The following ERI2 variants were observed in gnomAD, a reference collection of about 807,000 sequenced individuals.
ERI2 encodes ERI1 exoribonuclease family member 2, also known as ERI1 exoribonuclease 2.
A neutral mutation model predicts 46.8 loss-of-function variants in ERI2; 35 were observed. The observed-to-expected ratio is 0.75, with a 90% confidence interval of 0.57 to 0.99. ERI2 has a LOEUF of 0.99. ERI2 is among the 50% of genes least tolerant of loss of function. ERI2 has a pLI of 0.00. For missense variants in ERI2, 695 were observed against 796.2 expected (o/e 0.87, Z 1.53); for synonymous variants, 224 against 271.0 (o/e 0.83, Z 1.70).
At chr16:20,786,297 T>C (rs955950148) in intron 10 of ERI2, 2 of 1,401,210 alleles carry the variant, frequency 1.4e-6, no homozygotes, top group South Asian at 1.6e-5. Context: ...TTTATAAATA[T>C]GTGAAAATGA....
downstream of ERI2, among the ~76,000 whole-genome samples, chr16:20,793,470 AAAAAAT>A (rs56924318): frequency 2.0e-5 from 3 of 151,544 alleles, no homozygotes; most frequent in South Asian, 4.2e-4. Flanking sequence ...CTCCGCCTCA[AAAAAAT>A]AAAAATAAAA....
chr16:20,796,671 T>C lies in ERI2; in HGVS notation c.*1053A>G. 6.8e-7 allele frequency: 1 copy of C among 1,475,886 alleles called. No homozygotes were observed. The highest frequency in any genetic ancestry group is 2.5e-4 in the Middle Eastern group (1 of 4,020). 91.4% of individuals were successfully genotyped at this position (1,475,886 alleles called of 1,614,324 possible). ...AAAATGAAACCCTGAACCTATTTTG[T>C]TTGGTCCTTTGGCTTACTGGACTCA... is the stretch of plus-strand genomic sequence containing the variant. On this transcript the variant is annotated 3_prime_UTR_variant, in exon 9 of 9. Transcript: ENST00000357967.
At chr16:20,792,233 T>C (rs1285732131), downstream of ERI2, 4 of 1,614,132 alleles carry the variant, frequency 2.5e-6, no homozygotes, top group Admixed American at 1.7e-5. Flanking sequence ...TATGTGTTTC[T>C]AGCTATCGAA....
rs373789937 is a variant in ERI2, at chr16:20,797,955, A to G, written c.1845T>C (p.His615=). ...TAGGGCAACAATAGAAGACTTTTCC[A>G]TGGTTCGGTCCATTATTAGAAACAA... ...RLVVSNNGPN[H]GKVFYCCPIG... The change falls in exon 9 of 9, where the codon CAT becomes CAC. Residue 615 remains histidine (H), a synonymous_variant. Transcript: ENST00000357967. 9.1e-5 allele frequency: 141 copies of G among 1,551,904 alleles called. No individual in the cohort carries two copies. The African/African-American group carries it at 1.8e-3, about 20-fold the overall frequency.
chr16:20,793,352 CCTG>C (rs2080645419), downstream of ERI2, among the ~76,000 whole-genome samples: 1 of 152,086 alleles, frequency 6.6e-6, no homozygotes, highest in Non-Finnish European at 1.5e-5. Context: ...GCCTGTAATC[CCTG>C]CTACTTGGGA....
rs759866723 is a variant in ERI2, at chr16:20,797,849, T to C, written c.1951A>G (p.Met651Val). The change falls in exon 9 of 9, where the codon ATG becomes GTG. Residue 651 changes from methionine (M) to valine (V), a missense_variant. By Grantham distance (21) the Met-to-Val change is conservative (BLOSUM62 1). Transcript: ENST00000357967. ...QTLQKERANS[M>V]VPSHSTGGLT... ...CCCCCTGTGGAATGAGATGGAACCA[T>C]GCTGTTGGCTCTTTCCTTTTGAAGT... 9 of 1,551,504 alleles carry C rather than the reference T, an allele frequency of 5.8e-6. No individual in the cohort carries two copies. Among genetic ancestry groups the C allele is most frequent in the South Asian group, 3.6e-5 (3 of 84,064 alleles).
In ERI2 at chr16:20,786,135, CCTT is replaced by C. The variant is rs2080469957; in HGVS notation, c.894+3341_894+3343del. 8 of 1,609,024 alleles carry C rather than the reference CCTT, an allele frequency of 5.0e-6. No homozygotes were observed. In the East Asian group the frequency reaches 1.1e-4, roughly 23 times the overall value. On this transcript the variant is annotated intron_variant, in intron 10 of 10. Coordinates refer to the ERI2 transcript ENST00000300005. ...AATTAAACCTGGCTCAATGGGAAAA[CCTT>C]CTCCTGCTTTCGATGTTAAGGTTTG... is the stretch of plus-strand genomic sequence containing the variant.
At position 20,796,344 on chromosome 16, in the gene ERI2, C is replaced by T; in HGVS notation, c.*1380G>A. On this transcript the variant is annotated 3_prime_UTR_variant, in exon 9 of 9. Transcript: ENST00000357967. ...AACATACAAATGCATAACTCATTTT[C>T]CTGGTGTTTCAAATATTTATTTTAG... 6.2e-7 allele frequency: 1 copy of T among 1,601,024 alleles called. No individual in the cohort carries two copies.
At chr16:20,783,046 T>C (rs1163810506) in intron 10 of ERI2, among the ~76,000 whole-genome samples, 1 of 152,168 alleles carries the variant, frequency 6.6e-6, no homozygotes. Flanking sequence ...TCCTCTCCTT[T>C]CCCTGAAGGA....
chr16:20,787,433 TTAGA>T (rs1165545937), intron 10 of ERI2, among the ~76,000 whole-genome samples: 3 of 152,226 alleles, frequency 2.0e-5, no homozygotes, highest in African/African-American at 7.2e-5. Context: ...AGTACAGCTC[TTAGA>T]TAAATGTTTC....
Position 20,800,004 on chromosome 16 carries a change from C to A in ERI2, c.596G>T (p.Gly199Val). ...FYRRKPKGLS[G>V]ALQEVGIEFS... is the part of the protein sequence containing the mutation. ...TTCTATTCCTACTTCCTGCAAGGCA[C>A]CACTTAGTCCTTTTGGTTTTCTCCT... The change falls in exon 7 of 9, where the codon GGT becomes GTT. Residue 199 changes from glycine to valine, a missense_variant. Gly to Val is a moderately radical substitution (Grantham distance 109). Transcript: ENST00000357967. 1 of 1,604,626 alleles carries A rather than the reference C, an allele frequency of 6.2e-7. No homozygotes were observed.
At chr16:20,803,118 A>C (rs1447045340) in intron 3 of ERI2, among the ~76,000 whole-genome samples, 195 bp from the exon 4 acceptor site, 3 of 152,252 alleles carry the variant, frequency 2.0e-5, no homozygotes, top group Non-Finnish European at 2.9e-5. Flanking sequence ...AGTTATGAGC[A>C]TGTTGTCTTA....
intron 10 of ERI2, chr16:20,786,103 G>T: frequency 6.3e-7 from 1 of 1,598,368 alleles, no homozygotes; most frequent in African/African-American, 1.4e-5. Flanking sequence ...AATTTTAAGG[G>T]AATGAAAATT....
At chr16:20,785,065 G>C (rs5716) in intron 10 of ERI2, 137,754 of 1,613,360 alleles carry the variant, frequency 0.085, 6,644 homozygotes, top group East Asian at 0.2. Context: ...GGAGAAACAA[G>C]ACGGGCCTGG....
intron 10 of ERI2, among the ~76,000 whole-genome samples, chr16:20,782,818 T>C (rs763251916): frequency 1.7e-4 from 26 of 152,212 alleles, no homozygotes; most frequent in Admixed American, 7.2e-4. Context: ...TCCCAGCTTA[T>C]TATAAAAGAT....
At position 20,806,392 on chromosome 16, in the gene ERI2, G is replaced by T. The variant is rs559141010; in HGVS notation, c.23+16C>A. On this transcript the variant is annotated intron_variant, in intron 1 of 8. Coordinates refer to ENST00000357967, the MANE Select transcript of ERI2 (RefSeq NM_001142725.2). ...CCCGGAGCTACCCGCCCCCGACCCG[G>T]AACTCCCTCGAGTACCGCGCGAGCC... The T allele has an allele frequency of 1.7e-5, 26 of 1,550,102 alleles. No homozygotes were observed. Among genetic ancestry groups the T allele is most frequent in the Non-Finnish European group, 2.1e-5 (24 of 1,147,078 alleles).
chr16:20,788,829 G>A (rs949440046), intron 10 of ERI2, among the ~76,000 whole-genome samples: 2 of 152,114 alleles, frequency 1.3e-5, no homozygotes, highest in Non-Finnish European at 2.9e-5. Flanking sequence ...CTTCATACCT[G>A]GAACCACATA....
downstream of ERI2, among the ~76,000 whole-genome samples, chr16:20,794,484 ATTTAAT>A (rs1291325407): frequency 1.3e-5 from 2 of 152,182 alleles, no homozygotes; most frequent in Non-Finnish European, 2.9e-5. Flanking sequence ...ATTTAATCTT[ATTTAAT>A]TTTAATTGAT....
chr16:20,803,159 A>C (rs994596808), intron 3 of ERI2, among the ~76,000 whole-genome samples: 2 of 152,230 alleles, frequency 1.3e-5, no homozygotes, highest in Non-Finnish European at 2.9e-5. Flanking sequence ...ATAAATATAA[A>C]AACCATATGG....
Sources: allele counts gnomAD v4.1 joint callset (sites outside exome capture counted in the v4.1 genomes callset), GRCh38; gene constraint gnomAD v4.1.1; transcripts MANE v1.5; gene names NCBI Gene and HGNC (gene_info 2026-07-23, HGNC 2026-07-21).